The following CACNA1S variants were observed in gnomAD, a reference collection of about 807,000 sequenced individuals.
The protein encoded by CACNA1S is voltage-dependent L-type calcium channel subunit alpha-1S.
Under a neutral mutation model 207.4 loss-of-function variants are expected in CACNA1S, and 126 were observed. That is an observed-to-expected ratio of 0.61 (90% CI 0.53 to 0.70). CACNA1S has a LOEUF of 0.70. Ranked by LOEUF, CACNA1S falls within the 30% of genes least tolerant of loss-of-function variation. The pLI is 0.00. For synonymous variants in CACNA1S, 960 were observed against 932.7 expected, an observed-to-expected ratio of 1.03 and a Z score of -0.53; for missense variants, 2,349 against 2,422.8, an observed-to-expected ratio of 0.97 and a Z score of 0.64.
In CACNA1S at chr1:201,077,862, C is replaced by T. The variant is rs1054276864; in HGVS notation, c.1619+17G>A. 2.5e-6 allele frequency: 4 copies of T among 1,593,680 alleles called. No individual in the cohort carries two copies. The African/African-American group carries it at 4.0e-5, about 16-fold the overall frequency. ...CCTGCCGGGGACCCGGGAGTGCCAG[C>T]CGACCCCGGCACTCACTTGGTGATC... On this transcript the variant is annotated intron_variant, in intron 11 of 43. Coordinates refer to ENST00000362061, the MANE Select transcript of CACNA1S (RefSeq NM_000069.3).
At chr1:201,111,985 C>T (rs558283568) in intron 1 of CACNA1S, among the ~76,000 whole-genome samples, 3 of 147,356 alleles carry the variant, frequency 2.0e-5, no homozygotes, top group African/African-American at 5.0e-5. Context: ...CCACCCTCCT[C>T]GTCTTCCTCC....
intron 34 of CACNA1S, 135 bp downstream of exon 34, chr1:201,050,254 A>G (rs776058745): frequency 1.0e-6 from 1 of 990,692 alleles, no homozygotes; most frequent in Non-Finnish European, 1.6e-6. Flanking sequence ...TGATTCTCTG[A>G]TCTGAGACCT....
chr1:201,100,216 G>A (rs1171172051), intron 2 of CACNA1S, among the ~76,000 whole-genome samples: 1 of 152,240 alleles, frequency 6.6e-6, no homozygotes, highest in African/African-American at 2.4e-5. Flanking sequence ...ACGGAGGTTT[G>A]CTCCGGCTGT....
intron 17 of CACNA1S, 144 bp from the exon 18 acceptor site, chr1:201,069,745 G>A (rs1003103624): frequency 2.0e-6 from 2 of 1,009,306 alleles, no homozygotes; most frequent in Non-Finnish European, 2.9e-6. Flanking sequence ...CACCTGCAGG[G>A]TCCTCTGGCT....
Position 201,085,070 on chromosome 1 carries a change from C to T in CACNA1S, c.1151-39G>A, listed in dbSNP as rs77277032. 232 of 1,476,442 alleles carry T rather than the reference C, an allele frequency of 1.6e-4. No homozygotes were observed. The African/African-American group carries it at 2.7e-3, about 17-fold the overall frequency. The allele number at this position is 1,476,442 out of a possible 1,614,324, so 91.5% of individuals were successfully genotyped here. A position where few individuals can be genotyped will look rare whatever the true frequency, so the allele number is the denominator to read the frequency against. ...AGAAAGAGTCAGCCAGCCTTCGGGG[C>T]CCCTCTGGGCTGGACACACCTGGAC... is the stretch of plus-strand genomic sequence containing the variant. On this transcript the variant is annotated intron_variant, in intron 8 of 43. Transcript: ENST00000362061.
At chr1:201,056,080 C>CACACACACACACAT (rs776838050) in intron 28 of CACNA1S, among the ~76,000 whole-genome samples, 4,914 of 141,678 alleles carry the variant, frequency 0.035, 101 homozygotes, top group African/African-American at 0.047. Context: ...GACACACACA[C>CACACACACACACAT]ACACACACAC....
chr1:201,101,924 T>TC (rs1259859585), intron 2 of CACNA1S, among the ~76,000 whole-genome samples: 1 of 151,232 alleles, frequency 6.6e-6, no homozygotes, highest in African/African-American at 2.4e-5. Context: ...AGAAAAAGCA[T>TC]CCCCCCTCCT....
rs143285412 is a variant in CACNA1S at position 201,062,865 on chromosome 1, C to T, written c.2854-351G>A. Reference sequence around the variant, plus strand: ...TGCAGCTTGGCCCCTGCCCCTCCCTCGGGGAGCTGAGCCTCTGAGCCCCTT... The same window carrying T: ...TGCAGCTTGGCCCCTGCCCCTCCCTTGGGGAGCTGAGCCTCTGAGCCCCTT... On this transcript the variant is annotated intron_variant, in intron 22 of 43. Coordinates refer to ENST00000362061, the MANE Select transcript of CACNA1S (RefSeq NM_000069.3). 4.1e-3 allele frequency among the ~76,000 whole-genome samples: 632 copies of T among 152,354 alleles called. 3 individuals are homozygous for T. Among genetic ancestry groups the T allele is most frequent in the African/African-American group, 0.014 (585 of 41,590 alleles).
chr1:201,045,455 C>A (rs1345857844), intron 38 of CACNA1S, among the ~76,000 whole-genome samples: 1 of 152,052 alleles, frequency 6.6e-6, no homozygotes, highest in African/African-American at 2.4e-5. Context: ...AATGTATTAG[C>A]CTGGCATGGT....
At chr1:201,069,231 G>A in intron 18 of CACNA1S, 35 bp from the exon 19 acceptor site, 1 of 1,592,092 alleles carries the variant, frequency 6.3e-7, no homozygotes, top group Non-Finnish European at 8.6e-7. Flanking sequence ...CAGCCAGTGA[G>A]AGGAGGAGGG....
At position 201,091,645 on chromosome 1, in the gene CACNA1S, C is replaced by T. The variant is rs753775933; in HGVS notation, c.689G>A (p.Gly230Asp). ...GKMHKTCYFI[G>D]TDIVATVENE... ...CACTTTCCCTGGGAGCTCACCTGTA[C>T]CAATGAAGTAGCAGGTCTTGTGCAT... The change falls in exon 5 of 44, where the codon GGT (glycine) becomes GAT (aspartate). Residue 230 changes from glycine (G) to aspartate (D), a missense_variant. Transcript: ENST00000362061. The T allele has an allele frequency of 3.1e-6, 5 of 1,614,200 alleles. No homozygotes were observed. Among genetic ancestry groups the T allele is most frequent in the Non-Finnish European group, 4.2e-6 (5 of 1,180,022 alleles).
chr1:201,106,591 C>A (rs1662899054), intron 2 of CACNA1S, among the ~76,000 whole-genome samples: 1 of 152,154 alleles, frequency 6.6e-6, no homozygotes, highest in East Asian at 1.9e-4. Flanking sequence ...AAAGCTTTTC[C>A]CTTTCTTTCA....
intron 37 of CACNA1S, 64 bp downstream of exon 37, chr1:201,047,461 G>A: frequency 2.1e-6 from 3 of 1,421,022 alleles, no homozygotes; most frequent in Non-Finnish European, 3.0e-6. Context: ...GGGCTCCTTG[G>A]AGAAGCTCCC....
chr1:201,070,625 C>T (rs1193701941), intron 16 of CACNA1S, among the ~76,000 whole-genome samples: 1 of 152,174 alleles, frequency 6.6e-6, no homozygotes, highest in Non-Finnish European at 1.5e-5. Flanking sequence ...AGCCCACAAC[C>T]TTCCAGAAGT....
chr1:201,056,068 C>T (rs1005319701), intron 28 of CACNA1S, among the ~76,000 whole-genome samples: 3 of 137,396 alleles, frequency 2.2e-5, no homozygotes, highest in Admixed American at 7.6e-5. Context: ...GACAGACAGA[C>T]AGACACACAC....
chr1:201,070,184 CATGGAG>C, intron 17 of CACNA1S, 82 bp downstream of exon 17: 1 of 1,381,084 alleles, frequency 7.2e-7, no homozygotes, highest in East Asian at 2.3e-5. Context: ...TAACTGTAGG[CATGGAG>C]AGTCAGACAG....
chr1:201,044,550 G>A (rs1331053261), intron 38 of CACNA1S, 94 bp from the exon 39 acceptor site: 5 of 1,459,486 alleles, frequency 3.4e-6, no homozygotes, highest in Non-Finnish European at 4.7e-6. Flanking sequence ...TCACTCTGTT[G>A]CCCAGGCTGG....
intron 38 of CACNA1S, among the ~76,000 whole-genome samples, chr1:201,045,787 G>GT (rs1660450896): frequency 6.7e-6 from 1 of 148,154 alleles, no homozygotes; most frequent in African/African-American, 2.5e-5. Context: ...TGATTTTGTG[G>GT]TTATGTTGTG....
chr1:201,110,086 A>G (rs2102190376), intron 2 of CACNA1S, 78 bp downstream of exon 2: 2 of 1,287,528 alleles, frequency 1.6e-6, no homozygotes, highest in East Asian at 4.6e-5. Context: ...CATCCCCCAG[A>G]ACAGAGTCCA....
Sources: gnomAD v4.1 joint callset for allele counts (sites outside exome capture counted in the v4.1 genomes callset) on GRCh38, gnomAD v4.1.1 for gene constraint, MANE v1.5 for transcripts, NCBI Gene and HGNC (gene_info 2026-07-23, HGNC 2026-07-21) for gene names.